Variants in OPN3 observed in about 807,000 individuals in gnomAD.
The protein encoded by OPN3 is opsin-3.
OPN3 carries 29 observed loss-of-function variants against 33.8 expected under a neutral mutation model. The observed-to-expected ratio is 0.86, with a 90% CI of 0.64 to 1.17. OPN3 has a LOEUF of 1.17. Ranked by LOEUF, OPN3 falls within the 50% of genes most tolerant of loss-of-function variation. The probability of loss-of-function intolerance (pLI) is 0.00; values close to 1 mark genes in which losing one functional copy is unlikely to be tolerated. For synonymous variants in OPN3, 216 were observed against 216.1 expected (o/e 1.00, Z 0.00); for missense variants, 437 against 514.1 (o/e 0.85, Z 1.45).
chr1:241,617,337 C>T (rs961426313), intron 1 of OPN3, among the ~76,000 whole-genome samples: 1 of 152,188 alleles, frequency 6.6e-6, no homozygotes, highest in Non-Finnish European at 1.5e-5. Flanking sequence ...TGAAAACATT[C>T]AACACATGAA....
chr1:241,596,305 A>T (rs1287051300), intron 3 of OPN3, among the ~76,000 whole-genome samples: 4 of 152,214 alleles, frequency 2.6e-5, no homozygotes, highest in Non-Finnish European at 5.9e-5. Flanking sequence ...ATATGTGTGC[A>T]TACTAAAAAA....
At chr1:241,630,188 A>T (rs1573965438) in intron 1 of OPN3, 1 of 152,198 alleles carries the variant, frequency 6.6e-6, no homozygotes, top group Middle Eastern at 3.4e-3. Context: ...AAGAGTATAC[A>T]ACTGGTAAGT....
At chr1:241,601,383 G>A (rs1316248356) in intron 2 of OPN3, among the ~76,000 whole-genome samples, 1 of 151,824 alleles carries the variant, frequency 6.6e-6, no homozygotes, top group Non-Finnish European at 1.5e-5. Context: ...TGAGTCTGTG[G>A]CAGTGGGAGA....
chr1:241,634,568 T>C (rs547660354), intron 1 of OPN3: 55 of 1,613,836 alleles, frequency 3.4e-5, no homozygotes, highest in African/African-American at 2.5e-4. Flanking sequence ...ACGAAGACAA[T>C]AGATTCCACC....
At chr1:241,634,165 A>G (rs200021744) in intron 1 of OPN3, 28 of 1,613,828 alleles carry the variant, frequency 1.7e-5, no homozygotes, top group Non-Finnish European at 2.3e-5. Flanking sequence ...TTTCTGTTTC[A>G]GTATACGGAG....
intron 1 of OPN3, among the ~76,000 whole-genome samples, chr1:241,636,818 T>C (rs1254711074): frequency 1.3e-5 from 2 of 152,194 alleles, no homozygotes; most frequent in Admixed American, 1.3e-4. Context: ...TACCTACTTC[T>C]AACATTTGAA....
In OPN3 at chr1:241,640,016, A is replaced by C. The variant is rs1387645677; in HGVS notation, c.239T>G (p.Leu80Arg). 4 of 1,613,350 alleles carry C rather than the reference A, an allele frequency of 2.5e-6. No individual in the cohort carries two copies. The highest frequency in any genetic ancestry group is 1.7e-6 in the Non-Finnish European group (2 of 1,179,770). The part of the protein sequence containing the change: ...QRLRTPTHLL[L>R]VNISLSDLLV... The stretch of plus-strand genomic sequence containing the variant: ...CAGGTCGCTGAGGCTGATGTTGACC[A>C]GGAGGAGGTGAGTGGGAGTGCGGAG... The change falls in exon 1 of 4, where the codon CTG becomes CGG. Residue 80 changes from leucine (L) to arginine (R), a missense_variant. Transcript: ENST00000366554.
chr1:241,634,161 T>C lies in OPN3; in HGVS notation c.373+5721A>G, dbSNP rs754689407. Reference sequence around the variant, plus strand: ...GTAAGTTCTTCCTCGTTTATTTCTGTTTCAGTATACGGAGTGAATAATTTC... The same window carrying C: ...GTAAGTTCTTCCTCGTTTATTTCTGCTTCAGTATACGGAGTGAATAATTTC... On this transcript the variant is annotated intron_variant, in intron 1 of 3. Transcript: ENST00000366554. 9.9e-6 allele frequency: 16 copies of C among 1,613,766 alleles called. No individual in the cohort carries two copies. The East Asian group carries it at 3.6e-4, about 36-fold the overall frequency.
intron 1 of OPN3, among the ~76,000 whole-genome samples, chr1:241,616,661 T>C (rs1398993782): frequency 6.6e-6 from 1 of 152,086 alleles, no homozygotes; most frequent in Non-Finnish European, 1.5e-5. Context: ...CACATGACCA[T>C]GTTTCTTTCC....
chr1:241,610,215 T>C (rs540540239), intron 1 of OPN3, among the ~76,000 whole-genome samples: 1 of 152,236 alleles, frequency 6.6e-6, no homozygotes, highest in Non-Finnish European at 1.5e-5. Context: ...CACTCAGAGC[T>C]GGCAGCTTTG....
chr1:241,632,839 G>C (rs1040104942), intron 1 of OPN3: 1 of 152,084 alleles, frequency 6.6e-6, no homozygotes, highest in Non-Finnish European at 1.5e-5. Flanking sequence ...GGTTTTATAA[G>C]TATCTGTAAT....
At chr1:241,612,516 C>T in intron 1 of OPN3, among the ~76,000 whole-genome samples, 1 of 152,208 alleles carries the variant, frequency 6.6e-6, no homozygotes, top group Non-Finnish European at 1.5e-5. Flanking sequence ...GAAAAAAGGA[C>T]AAGGGGAATG....
intron 1 of OPN3, among the ~76,000 whole-genome samples, chr1:241,612,431 C>A (rs1445716953): frequency 6.6e-6 from 1 of 152,112 alleles, no homozygotes; most frequent in East Asian, 1.9e-4. Flanking sequence ...ACGAAGATTG[C>A]TTAATAAAGA....
chr1:241,599,558 G>C (rs956977031), intron 2 of OPN3, among the ~76,000 whole-genome samples: 6 of 152,036 alleles, frequency 3.9e-5, no homozygotes, highest in African/African-American at 1.4e-4. Context: ...CTACTATTCT[G>C]TGTGTGCAAT....
In OPN3 at chr1:241,599,605, G is replaced by T. The variant is rs181090208; in HGVS notation, c.694-1608C>A. Among the ~76,000 whole-genome samples, 21 of 152,230 alleles carry T rather than the reference G, an allele frequency of 1.4e-4. No individual in the cohort carries two copies. In the East Asian group the frequency reaches 3.3e-3, roughly 24 times the overall value. Reference sequence around the variant, plus strand: ...AGAAACTGTTTTATTTAATGGGATAGAATATTTTTCTATTTTCAAAACATC... The same window carrying T: ...AGAAACTGTTTTATTTAATGGGATATAATATTTTTCTATTTTCAAAACATC... On this transcript the variant is annotated intron_variant, in intron 2 of 3. Transcript: ENST00000366554.
At chr1:241,606,635 G>A (rs1433223418) in intron 1 of OPN3, among the ~76,000 whole-genome samples, 2 of 151,942 alleles carry the variant, frequency 1.3e-5, no homozygotes, top group African/African-American at 4.8e-5. Context: ...AAGGAATAGC[G>A]AGTGATTACA....
At chr1:241,603,201 C>T (rs1257250079) in intron 2 of OPN3, among the ~76,000 whole-genome samples, 2 of 152,034 alleles carry the variant, frequency 1.3e-5, no homozygotes, top group African/African-American at 4.8e-5. Context: ...TCCTGTCGCC[C>T]TGTAACTGAA....
intron 2 of OPN3, among the ~76,000 whole-genome samples, chr1:241,599,644 T>G (rs1457541086): frequency 6.6e-6 from 1 of 152,162 alleles, no homozygotes; most frequent in African/African-American, 2.4e-5. Context: ...TTGGGGGAGC[T>G]TCCCTAGTTT....
At chr1:241,609,233 G>A (rs950173655) in intron 1 of OPN3, among the ~76,000 whole-genome samples, 7 of 152,096 alleles carry the variant, frequency 4.6e-5, no homozygotes, top group Non-Finnish European at 8.8e-5. Flanking sequence ...ACTGGGTGCC[G>A]GTTATGCACC....
Sources: gnomAD v4.1 joint callset for allele counts (sites outside exome capture counted in the v4.1 genomes callset) on GRCh38, gnomAD v4.1.1 for gene constraint, MANE v1.5 for transcripts, NCBI Gene and HGNC (gene_info 2026-07-23, HGNC 2026-07-21) for gene names.